TULP4: variants seen among roughly 807,000 people sequenced by gnomAD.
TULP4 encodes TUB like protein 4, also known as tubby-related protein 4.
In TULP4, 16 loss-of-function variants were observed where a neutral mutation model predicts 129.0. The observed-to-expected ratio is 0.12, with a 90% CI of 0.08 to 0.19. TULP4 has a LOEUF of 0.19. Among genes scored for constraint, TULP4 ranks in the 10% least tolerant of loss-of-function variants. TULP4 has a pLI of 1.00. For missense variants in TULP4, 1,842 were observed against 2,059.1 expected, an observed-to-expected ratio of 0.89 and a Z score of 2.04; for synonymous variants, 998 against 854.0, an observed-to-expected ratio of 1.17 and a Z score of -2.94.
chr6:158,481,747 TG>T (rs762655495), intron 8 of TULP4, among the ~76,000 whole-genome samples: 9 of 152,216 alleles, frequency 5.9e-5, no homozygotes, highest in Non-Finnish European at 1.3e-4. Context: ...GCTTTTTACC[TG>T]ATTGCTAATG....
At position 158,461,592 on chromosome 6, in the gene TULP4, G is replaced by A. The variant is rs1779429537; in HGVS notation, c.889G>A (p.Asp297Asn). ...EVVAQWCTQGDLLAVAGMERQ... is the reference protein window; with the variant it reads ...EVVAQWCTQGNLLAVAGMERQ... ...GGTAGCCCAGTGGTGCACACAGGGG[G>A]ACTTGCTGGCAGTCGCTGGGATGGA... Residue 297 changes from aspartate to asparagine, a missense_variant, in exon 6 of 14, where the codon GAC (aspartate) becomes AAC (asparagine). Physicochemically the swap from Asp to Asn is conservative, Grantham distance 23. Around this residue, in one of 5 missense-constraint regions of TULP4, gnomAD observed 456 missense variants for 534.3 expected, o/e 0.85. Transcript: ENST00000367097. 2 of 1,613,818 alleles carry A rather than the reference G, an allele frequency of 1.2e-6. No homozygotes were observed. The highest frequency in any genetic ancestry group is 1.7e-6 in the Non-Finnish European group (2 of 1,179,902).
At chr6:158,297,232 C>T (rs914885128) in intron 1 of TULP4, among the ~76,000 whole-genome samples, 13 of 152,144 alleles carry the variant, frequency 8.5e-5, no homozygotes, top group Non-Finnish European at 1.6e-4. Context: ...CTACTTGGCA[C>T]GTCCATTTAT....
chr6:158,368,028 G>A (rs2114864239), intron 1 of TULP4, among the ~76,000 whole-genome samples: 1 of 138,708 alleles, frequency 7.2e-6, no homozygotes, highest in East Asian at 2.0e-4. Context: ...ATAGATCGAG[G>A]CTGCAGTGAG....
intron 2 of TULP4, among the ~76,000 whole-genome samples, chr6:158,422,905 C>G (rs1284242440): frequency 6.6e-6 from 1 of 152,232 alleles, no homozygotes; most frequent in African/African-American, 2.4e-5. Flanking sequence ...ACACCTGGGA[C>G]AAGGGCCGGA....
intron 1 of TULP4, among the ~76,000 whole-genome samples, chr6:158,380,204 C>T (rs1323642963): frequency 2.6e-5 from 4 of 152,186 alleles, no homozygotes; most frequent in African/African-American, 7.2e-5. Context: ...TACATTAAAA[C>T]TGTGATCAGT....
At chr6:158,401,959 T>C (rs2114981168) in intron 1 of TULP4, among the ~76,000 whole-genome samples, 1 of 152,308 alleles carries the variant, frequency 6.6e-6, no homozygotes, top group East Asian at 1.9e-4. Flanking sequence ...TGTTTTGGAT[T>C]CTGAATGTTG....
intron 1 of TULP4, among the ~76,000 whole-genome samples, chr6:158,260,843 A>G (rs1459361978): frequency 7.1e-6 from 1 of 139,914 alleles, no homozygotes; most frequent in Non-Finnish European, 1.6e-5. Flanking sequence ...TTTTGAGACA[A>G]GAGTTTCGCT....
At chr6:158,486,540 A>G (rs1021886300) in intron 8 of TULP4, among the ~76,000 whole-genome samples, 2 of 151,678 alleles carry the variant, frequency 1.3e-5, no homozygotes, top group Admixed American at 6.6e-5. Context: ...GTGACAGAGC[A>G]AGACTCGTCT....
In TULP4 at chr6:158,259,448, T is replaced by C. The variant is rs979814648; in HGVS notation, n.68+27145T>C. Among the ~76,000 whole-genome samples, 3 of 152,254 alleles carry C rather than the reference T, an allele frequency of 2.0e-5. No individual in the cohort carries two copies. The East Asian group carries it at 5.8e-4, about 29-fold the overall frequency. On this transcript the variant is annotated intron_variant and non_coding_transcript_variant, in intron 1 of 1. Coordinates refer to the TULP4 transcript ENST00000620026. ...ATCTTCTGTGATTTTGAGAACTCTA[T>C]GGAATTCAGTTGGGATTGAATATTC...
chr6:158,392,781 T>A (rs1777613230), intron 1 of TULP4, among the ~76,000 whole-genome samples: 1 of 146,622 alleles, frequency 6.8e-6, no homozygotes, highest in African/African-American at 2.6e-5. Flanking sequence ...ACCTATTGTT[T>A]AAATTTGTAT....
Position 158,506,769 on chromosome 6 carries a change from T to G in TULP4, c.*75T>G. 3 of 1,051,232 alleles carry G rather than the reference T, an allele frequency of 2.9e-6. No individual in the cohort carries two copies. Among genetic ancestry groups the G allele is most frequent in the Non-Finnish European group, 4.4e-6 (3 of 685,172 alleles). The allele number at this position is 1,051,232 out of a possible 1,614,324, so 65.1% of individuals were successfully genotyped here. A position where few individuals can be genotyped will look rare whatever the true frequency, so the allele number is the denominator to read the frequency against. ...CTTCGGAGATGCCAGAGGAGCCCTC[T>G]AGGGGTCCGATGCCTGGGAGGACCA... On this transcript the variant is annotated 3_prime_UTR_variant, in exon 14 of 14. Transcript: ENST00000367097.
chr6:158,461,948 T>C (rs1159410953), intron 6 of TULP4, among the ~76,000 whole-genome samples: 1 of 152,184 alleles, frequency 6.6e-6, no homozygotes, highest in East Asian at 1.9e-4. Context: ...CAGAGTAAGC[T>C]GGTGTTTATC....
At chr6:158,288,915 A>T (rs1778879165) in intron 1 of TULP4, among the ~76,000 whole-genome samples, 1 of 152,334 alleles carries the variant, frequency 6.6e-6, no homozygotes, top group Admixed American at 6.5e-5. Flanking sequence ...TAATTAGTAG[A>T]CAAACAGATT....
chr6:158,346,498 G>T (rs933225602), intron 1 of TULP4, among the ~76,000 whole-genome samples: 2 of 152,120 alleles, frequency 1.3e-5, no homozygotes, highest in Non-Finnish European at 2.9e-5. Context: ...GGTGTGACTC[G>T]ATTTATTTTG....
At chr6:158,324,615 A>G (rs1471433508) in intron 1 of TULP4, among the ~76,000 whole-genome samples, 1 of 152,226 alleles carries the variant, frequency 6.6e-6, no homozygotes, top group Non-Finnish European at 1.5e-5. Flanking sequence ...GTTTGCATGG[A>G]TATAATGTTG....
chr6:158,507,158 A>G lies in TULP4; in HGVS notation c.*464A>G, dbSNP rs1332462637. Reference sequence around the variant, plus strand: ...TTCTCAAGATGCAGGTTCTTGGGGAATGGGATGGGGACAGCATTTGATTTA... The same window carrying G: ...TTCTCAAGATGCAGGTTCTTGGGGAGTGGGATGGGGACAGCATTTGATTTA... On this transcript the variant is annotated 3_prime_UTR_variant, in exon 14 of 14. Coordinates refer to ENST00000367097, the MANE Select transcript of TULP4 (RefSeq NM_020245.5). 5.9e-6 allele frequency: 1 copy of G among 170,308 alleles called. No individual in the cohort carries two copies. Among genetic ancestry groups the G allele is most frequent in the Non-Finnish European group, 1.3e-5 (1 of 77,784 alleles). 10.5% of individuals were successfully genotyped at this position (170,308 alleles called of 1,614,324 possible). A position where few individuals can be genotyped will look rare whatever the true frequency, so the allele number is the denominator to read the frequency against.
intron 3 of TULP4, among the ~76,000 whole-genome samples, chr6:158,436,980 G>A (rs1415531049): frequency 6.6e-6 from 1 of 152,202 alleles, no homozygotes; most frequent in East Asian, 1.9e-4. Flanking sequence ...ACCCTGTGTA[G>A]TCTGTTGTGT....
rs200306402 is a variant in TULP4, at chr6:158,501,772, C to T, written c.2109C>T (p.Pro703=). Residue 703 remains proline (P), a synonymous_variant, in exon 13 of 14, where the codon CCC becomes CCT. Transcript: ENST00000367097. ...PIHSSAQAMS[P]TQSIGLVQSL... is the part of the protein sequence containing the mutation. ...ACAGCTCGGCTCAGGCTATGTCCCC[C>T]ACGCAGAGCATAGGGCTGGTGCAGT... is the stretch of plus-strand genomic sequence containing the variant. 4 of 1,614,184 alleles carry T rather than the reference C, an allele frequency of 2.5e-6. No homozygotes were observed. Among genetic ancestry groups the T allele is most frequent in the Admixed American group, 1.7e-5 (1 of 60,028 alleles).
intron 1 of TULP4, among the ~76,000 whole-genome samples, chr6:158,265,386 C>G (rs1289945600): frequency 6.6e-6 from 1 of 152,030 alleles, no homozygotes; most frequent in Non-Finnish European, 1.5e-5. Flanking sequence ...AATGTAGTGG[C>G]TAAAGAGGAA....
Sources: gnomAD v4.1 joint callset for allele counts (sites outside exome capture counted in the v4.1 genomes callset) on GRCh38, gnomAD v4.1.1 for gene constraint, gnomAD v4.1.1 regional missense constraint, MANE v1.5 for transcripts, NCBI Gene and HGNC (gene_info 2026-07-23, HGNC 2026-07-21) for gene names.